The following TAOK3 variants were observed in gnomAD, a reference collection of about 807,000 sequenced individuals.
TAOK3 encodes the protein serine/threonine-protein kinase TAO3.
A neutral mutation model predicts 120.4 loss-of-function variants in TAOK3; 40 were observed. The ratio of observed to expected loss-of-function variants is 0.33; its 90% CI spans 0.26 to 0.43. The LOEUF (loss-of-function observed/expected upper bound fraction) is 0.43. TAOK3 is among the 20% of genes least tolerant of loss of function. The pLI, the probability that TAOK3 is intolerant of heterozygous loss-of-function variation, is 1.00. For missense variants in TAOK3, 821 were observed against 1,112.1 expected, an observed-to-expected ratio of 0.74 and a Z score of 3.72; for synonymous variants, 355 against 387.5, an observed-to-expected ratio of 0.92 and a Z score of 0.99.
rs1593293101 is a variant in TAOK3 at position 118,248,241 on chromosome 12, T to A, written c.121-3276A>T. On this transcript the variant is annotated intron_variant, in intron 3 of 20. Coordinates refer to ENST00000392533, the MANE Select transcript of TAOK3 (RefSeq NM_016281.4). ...ACCCACAATAACGTACTACAGGAGTTTTTTTTAAAAAAGCATTAAGGTAAA... is the reference window on the plus strand; with the variant it reads ...ACCCACAATAACGTACTACAGGAGTATTTTTTAAAAAAGCATTAAGGTAAA... 5.7e-5 allele frequency among the ~76,000 whole-genome samples: 7 copies of A among 123,010 alleles called. 1 individual carries two copies. In the East Asian group the frequency reaches 1.4e-3, roughly 24 times the overall value. 80.7% of individuals were successfully genotyped at this position (123,010 alleles called of 152,430 possible). A position where few individuals can be genotyped will look rare whatever the true frequency, so the allele number is the denominator to read the frequency against.
intron 1 of TAOK3, among the ~76,000 whole-genome samples, chr12:118,287,752 C>T (rs2042316835): frequency 6.6e-6 from 1 of 152,110 alleles, no homozygotes; most frequent in African/African-American, 2.4e-5. Context: ...CACATACACA[C>T]AGACACACAA....
intron 15 of TAOK3, among the ~76,000 whole-genome samples, chr12:118,177,981 C>T (rs1218319156): frequency 6.6e-6 from 1 of 152,014 alleles, no homozygotes; most frequent in African/African-American, 2.4e-5. Flanking sequence ...AGGTCTCGCT[C>T]TGTCGCTCAG....
intron 1 of TAOK3, among the ~76,000 whole-genome samples, chr12:118,281,835 T>C (rs1018161827): frequency 3.3e-5 from 5 of 152,162 alleles, no homozygotes; most frequent in African/African-American, 7.2e-5. Flanking sequence ...TTAATGCATT[T>C]AGTAATAAGA....
intron 1 of TAOK3, among the ~76,000 whole-genome samples, chr12:118,340,384 G>A (rs934182871): frequency 4.6e-5 from 7 of 152,104 alleles, no homozygotes; most frequent in Non-Finnish European, 2.9e-5. Context: ...GTTTTCTTTT[G>A]ACATCATGTG....
intron 1 of TAOK3, among the ~76,000 whole-genome samples, chr12:118,319,954 C>A (rs1593529092): frequency 6.6e-6 from 1 of 152,046 alleles, no homozygotes; most frequent in Non-Finnish European, 1.5e-5. Context: ...GTGAAGTGTC[C>A]ATCAGCAGAC....
chr12:118,195,091 T>A (rs1443544371), intron 13 of TAOK3, among the ~76,000 whole-genome samples: 1 of 152,116 alleles, frequency 6.6e-6, no homozygotes, highest in African/African-American at 2.4e-5. Flanking sequence ...ACACTTATTC[T>A]GTTTTATAGA....
chr12:118,186,158 A>C (rs1215469830), intron 14 of TAOK3, among the ~76,000 whole-genome samples: 1 of 152,118 alleles, frequency 6.6e-6, no homozygotes, highest in Non-Finnish European at 1.5e-5. Context: ...GAAGTAAAAG[A>C]CTCTATATTT....
chr12:118,287,221 A>T (rs972902811), intron 1 of TAOK3, among the ~76,000 whole-genome samples: 3 of 152,148 alleles, frequency 2.0e-5, no homozygotes, highest in Admixed American at 6.5e-5. Context: ...TGGAAATTTT[A>T]AAAAATTAAA....
chr12:118,242,220 C>G (rs2040285862), intron 5 of TAOK3, among the ~76,000 whole-genome samples: 1 of 152,166 alleles, frequency 6.6e-6, no homozygotes, highest in African/African-American at 2.4e-5. Context: ...CCTTTCTTGA[C>G]TCCTTCAAGA....
chr12:118,338,382 A>G (rs1294209884), intron 1 of TAOK3, among the ~76,000 whole-genome samples: 1 of 152,254 alleles, frequency 6.6e-6, no homozygotes. Context: ...TCTGGAACAT[A>G]GTACCTTTTA....
At chr12:118,263,164 G>A (rs1459946978) in intron 2 of TAOK3, among the ~76,000 whole-genome samples, 1 of 152,184 alleles carries the variant, frequency 6.6e-6, no homozygotes, top group African/African-American at 2.4e-5. Context: ...CAGTGCAGTG[G>A]AATAGGAAGC....
chr12:118,165,990 CTTA>C (rs1407452268), intron 17 of TAOK3, among the ~76,000 whole-genome samples: 4 of 152,072 alleles, frequency 2.6e-5, no homozygotes, highest in African/African-American at 7.2e-5. Flanking sequence ...AATTATTCAC[CTTA>C]TTATGAGGCC....
At chr12:118,281,705 T>C (rs1462369258) in intron 1 of TAOK3, among the ~76,000 whole-genome samples, 4 of 151,370 alleles carry the variant, frequency 2.6e-5, no homozygotes, top group African/African-American at 7.3e-5. Context: ...TGAGCCAAGA[T>C]TGCACCATTG....
chr12:118,270,718 C>T (rs928614221), intron 1 of TAOK3, among the ~76,000 whole-genome samples: 4 of 148,390 alleles, frequency 2.7e-5, no homozygotes, highest in South Asian at 2.1e-4. Flanking sequence ...CTGTCTCCCA[C>T]GCTGGAGCGC....
chr12:118,160,975 A>G lies in TAOK3; in HGVS notation c.2140-617T>C, dbSNP rs1482368222. On this transcript the variant is annotated intron_variant, in intron 18 of 20. Coordinates refer to ENST00000392533, the MANE Select transcript of TAOK3 (RefSeq NM_016281.4). This position sits in a 1 kb window ranked among gnomAD's most constrained non-coding sequence, Gnocchi z 4.2. ...TAAGAGGTTGTGCTTGCATGTAGCA[A>G]TATAAAATATGCATTTGGGCAAAGA... Among the ~76,000 whole-genome samples, 1 of 152,240 alleles carries G rather than the reference A, an allele frequency of 6.6e-6. No individual in the cohort carries two copies. Among genetic ancestry groups the G allele is most frequent in the Non-Finnish European group, 1.5e-5 (1 of 68,032 alleles).
chr12:118,197,256 C>A (rs919688482), intron 13 of TAOK3, among the ~76,000 whole-genome samples: 1 of 152,056 alleles, frequency 6.6e-6, no homozygotes, highest in Admixed American at 6.6e-5. Context: ...CTATATATTT[C>A]ATGATAAAAT....
At chr12:118,248,519 A>G (rs2040614869) in intron 3 of TAOK3, among the ~76,000 whole-genome samples, 2 of 152,156 alleles carry the variant, frequency 1.3e-5, no homozygotes, top group Admixed American at 6.6e-5. Context: ...TGAAAAGTAG[A>G]TATTTGAGGC....
intron 1 of TAOK3, among the ~76,000 whole-genome samples, chr12:118,270,165 C>T (rs1419129109): frequency 2.6e-5 from 4 of 152,174 alleles, no homozygotes; most frequent in Admixed American, 6.5e-5. Context: ...AATATCTATT[C>T]GGCTTCTCCC....
chr12:118,370,179 G>A (rs11068929), intron 1 of TAOK3, among the ~76,000 whole-genome samples: 4,584 of 152,206 alleles, frequency 0.03, 200 homozygotes, highest in African/African-American at 0.094. Flanking sequence ...GGCCATGTTA[G>A]TGGAATTTTC....
Sources: gnomAD v4.1 joint callset for allele counts (sites outside exome capture counted in the v4.1 genomes callset) on GRCh38, gnomAD v4.1.1 for gene constraint, Gnocchi (gnomAD v3.1) non-coding constraint, MANE v1.5 for transcripts, NCBI Gene and HGNC (gene_info 2026-07-23, HGNC 2026-07-21) for gene names.